TCF7L1: variants seen among roughly 807,000 people sequenced by gnomAD.
TCF7L1 encodes transcription factor 7 like 1.
In TCF7L1, 18 loss-of-function variants were observed where a neutral mutation model predicts 63.7. The ratio of observed to expected loss-of-function variants is 0.28; its 90% CI spans 0.20 to 0.42. TCF7L1 has a LOEUF of 0.42. Among genes scored for constraint, TCF7L1 ranks in the 10% least tolerant of loss-of-function variants. TCF7L1 has a pLI of 1.00. For synonymous variants in TCF7L1, 355 were observed against 340.9 expected, an observed-to-expected ratio of 1.04 and a Z score of -0.46; for missense variants, 654 against 779.3, an observed-to-expected ratio of 0.84 and a Z score of 1.91.
intron 3 of TCF7L1, among the ~76,000 whole-genome samples, chr2:85,154,666 T>G (rs1465150271): frequency 6.6e-6 from 1 of 152,200 alleles, no homozygotes; most frequent in Non-Finnish European, 1.5e-5. Flanking sequence ...GGTAAATATG[T>G]GGCCTAATAA....
chr2:85,156,384 C>T (rs552693177), intron 3 of TCF7L1, among the ~76,000 whole-genome samples: 9 of 152,318 alleles, frequency 5.9e-5, no homozygotes, highest in Non-Finnish European at 1.2e-4. Context: ...GCTTCAGCTT[C>T]CTTTTCCTCC....
At chr2:85,173,450 G>A (rs1678600818) in intron 3 of TCF7L1, among the ~76,000 whole-genome samples, 1 of 152,220 alleles carries the variant, frequency 6.6e-6, no homozygotes, top group Non-Finnish European at 1.5e-5. Flanking sequence ...GCACTCTGCG[G>A]GGAGGAGGGG....
chr2:85,279,567 T>C, intron 3 of TCF7L1, among the ~76,000 whole-genome samples: 1 of 152,176 alleles, frequency 6.6e-6, no homozygotes, highest in East Asian at 1.9e-4. Context: ...AATTCACGGT[T>C]CTGGGAAGTT....
intron 3 of TCF7L1, among the ~76,000 whole-genome samples, chr2:85,172,125 C>T (rs1186630641): frequency 6.6e-6 from 1 of 152,150 alleles, no homozygotes; most frequent in African/African-American, 2.4e-5. Context: ...GCCACGTGTC[C>T]ACCAGGGGAG....
chr2:85,228,510 G>A (rs1287472249), intron 3 of TCF7L1, among the ~76,000 whole-genome samples: 1 of 152,182 alleles, frequency 6.6e-6, no homozygotes, highest in Non-Finnish European at 1.5e-5. Flanking sequence ...CACCAGTGGG[G>A]ACGTTGTGCT....
chr2:85,148,223 A>T (rs1046235169), intron 3 of TCF7L1, among the ~76,000 whole-genome samples: 3 of 152,112 alleles, frequency 2.0e-5, no homozygotes, highest in Non-Finnish European at 4.4e-5. Flanking sequence ...AGGGGCTGGG[A>T]TGGGGAGAGT....
At chr2:85,144,751 ATG>A (rs957076937) in intron 3 of TCF7L1, among the ~76,000 whole-genome samples, 1 of 141,490 alleles carries the variant, frequency 7.1e-6, no homozygotes, top group Non-Finnish European at 1.6e-5. Flanking sequence ...GTGTGTGTGT[ATG>A]TGTGTGTGTG....
chr2:85,202,817 C>A (rs1558632433), intron 3 of TCF7L1, among the ~76,000 whole-genome samples: 1 of 152,196 alleles, frequency 6.6e-6, no homozygotes, highest in Admixed American at 6.5e-5. Flanking sequence ...CCTATTTGAA[C>A]CTAAAGTACC....
At chr2:85,261,582 G>A (rs1680858135) in intron 3 of TCF7L1, among the ~76,000 whole-genome samples, 1 of 152,232 alleles carries the variant, frequency 6.6e-6, no homozygotes, top group South Asian at 2.1e-4. Context: ...CAGGTGAGTT[G>A]AAGTAGATGT....
chr2:85,296,012 A>G (rs1558659514), intron 4 of TCF7L1, among the ~76,000 whole-genome samples: 1 of 152,126 alleles, frequency 6.6e-6, no homozygotes, highest in Admixed American at 6.6e-5. Context: ...TCCTGACCTC[A>G]AATGATCCAC....
At chr2:85,252,569 G>A (rs1680617826) in intron 3 of TCF7L1, among the ~76,000 whole-genome samples, 1 of 152,196 alleles carries the variant, frequency 6.6e-6, no homozygotes, top group Admixed American at 6.5e-5. Flanking sequence ...GAGTAGCAAA[G>A]CCAAGAAGGG....
intron 3 of TCF7L1, among the ~76,000 whole-genome samples, chr2:85,155,178 G>A (rs1030893207): frequency 1.3e-5 from 2 of 152,122 alleles, no homozygotes; most frequent in African/African-American, 4.8e-5. Flanking sequence ...TTCCTTGGTC[G>A]AATGGGTACT....
At chr2:85,204,540 G>A (rs1679351723) in intron 3 of TCF7L1, among the ~76,000 whole-genome samples, 1 of 152,092 alleles carries the variant, frequency 6.6e-6, no homozygotes. Flanking sequence ...TAGTATTTGT[G>A]CATTTTATTT....
At chr2:85,154,713 G>A (rs1192375937) in intron 3 of TCF7L1, among the ~76,000 whole-genome samples, 1 of 152,200 alleles carries the variant, frequency 6.6e-6, no homozygotes, top group Non-Finnish European at 1.5e-5. Flanking sequence ...CACTGAAGAA[G>A]GCAGGCAGTG....
At chr2:85,169,033 G>A (rs2104232771) in intron 3 of TCF7L1, among the ~76,000 whole-genome samples, 1 of 152,206 alleles carries the variant, frequency 6.6e-6, no homozygotes, top group Non-Finnish European at 1.5e-5. Flanking sequence ...AACTTCCCTT[G>A]CCCATTAGTG....
rs770083100 is a variant in TCF7L1, at chr2:85,306,354, C to A, written c.1138C>A (p.Leu380Ile). 6.2e-7 allele frequency: 1 copy of A among 1,614,208 alleles called. No homozygotes were observed. The highest frequency in any genetic ancestry group is 1.1e-5 in the South Asian group (1 of 91,090). Reference sequence around the variant, plus strand: ...GGAAAGTGCAGCCATTAACCAGATCCTTGGAAGAAAGGTAAGACCTGCCCT... The same window carrying A: ...GGAAAGTGCAGCCATTAACCAGATCATTGGAAGAAAGGTAAGACCTGCCCT... The part of the protein sequence containing the change: ...LKESAAINQI[L>I]GRKWHNLSRE... The change falls in exon 9 of 12, where the codon CTT (leucine) becomes ATT (isoleucine). Residue 380 changes from leucine (L) to isoleucine (I), a missense_variant. Physicochemically the swap from Leu to Ile is conservative, Grantham distance 5 (BLOSUM62 2). Transcript: ENST00000282111. The surrounding 1 kb of genome is among the most constrained non-coding windows in gnomAD (Gnocchi z 4.3).
At chr2:85,210,834 G>C (rs995760070) in intron 3 of TCF7L1, among the ~76,000 whole-genome samples, 2 of 152,206 alleles carry the variant, frequency 1.3e-5, no homozygotes, top group Non-Finnish European at 1.5e-5. Context: ...ATTTCGGTCA[G>C]CATCATCTCA....
intron 3 of TCF7L1, among the ~76,000 whole-genome samples, chr2:85,263,391 A>G (rs1680900969): frequency 6.6e-6 from 1 of 152,122 alleles, no homozygotes; most frequent in African/African-American, 2.4e-5. Context: ...AGGGCAGCTC[A>G]GAGTCTTTAC....
At chr2:85,234,123 T>C (rs1216235971) in intron 3 of TCF7L1, among the ~76,000 whole-genome samples, 2 of 148,906 alleles carry the variant, frequency 1.3e-5, no homozygotes, top group Admixed American at 6.7e-5. Context: ...TCTTTTCTTT[T>C]TTCTTTTCTT....
Sources: gnomAD v4.1 joint callset for allele counts (sites outside exome capture counted in the v4.1 genomes callset) on GRCh38, gnomAD v4.1.1 for gene constraint, Gnocchi (gnomAD v3.1) non-coding constraint, MANE v1.5 for transcripts, NCBI Gene and HGNC (gene_info 2026-07-23, HGNC 2026-07-21) for gene names.